Variants in ADGRB3 observed in about 807,000 individuals in gnomAD.
The protein encoded by ADGRB3 is brain-specific angiogenesis inhibitor 3.
ADGRB3 carries 37 observed loss-of-function variants against 193.4 expected under a neutral mutation model. The ratio of observed to expected loss-of-function variants is 0.19; its 90% CI spans 0.15 to 0.25. ADGRB3 has a LOEUF of 0.25. Ranked by LOEUF, ADGRB3 falls within the 10% of genes least tolerant of loss-of-function variation. ADGRB3 has a pLI of 1.00. For missense variants in ADGRB3, 1,637 were observed against 1,852.9 expected (o/e 0.88, Z 2.14); for synonymous variants, 690 against 644.2 (o/e 1.07, Z -1.08).
At chr6:68,801,031 A>C (rs1307839605) in intron 3 of ADGRB3, among the ~76,000 whole-genome samples, 2 of 152,174 alleles carry the variant, frequency 1.3e-5, no homozygotes, top group African/African-American at 4.8e-5. Context: ...TGATCATGAG[A>C]TGATGTCCAA....
chr6:68,996,305 AT>A (rs1769380780), intron 11 of ADGRB3, among the ~76,000 whole-genome samples: 1 of 151,818 alleles, frequency 6.6e-6, no homozygotes. Context: ...AGCCTACATG[AT>A]TTCTGTGGCC....
At chr6:68,832,687 A>C (rs534525564) in intron 3 of ADGRB3, among the ~76,000 whole-genome samples, 11 of 152,224 alleles carry the variant, frequency 7.2e-5, no homozygotes, top group Admixed American at 2.6e-4. Context: ...TCTATGTGGG[A>C]CTTTTACTTG....
chr6:68,965,365 GC>G (rs1768348556), intron 8 of ADGRB3, among the ~76,000 whole-genome samples: 1 of 152,080 alleles, frequency 6.6e-6, no homozygotes. Flanking sequence ...GCATCCTCCA[GC>G]ACAGGGAATT....
intron 20 of ADGRB3, among the ~76,000 whole-genome samples, chr6:69,274,884 C>A (rs868836003): frequency 1.3e-5 from 2 of 152,120 alleles, no homozygotes; most frequent in Middle Eastern, 3.4e-3. Flanking sequence ...AAGAATGAAA[C>A]TGAGTCTTAG....
chr6:68,925,466 T>C (rs926950889), intron 3 of ADGRB3, among the ~76,000 whole-genome samples: 3 of 151,994 alleles, frequency 2.0e-5, no homozygotes, highest in Non-Finnish European at 4.4e-5. Context: ...AGAATTTACT[T>C]GCCTACCATA....
At chr6:68,921,242 C>T (rs1767035439) in intron 3 of ADGRB3, among the ~76,000 whole-genome samples, 1 of 152,016 alleles carries the variant, frequency 6.6e-6, no homozygotes, top group Admixed American at 6.6e-5. Flanking sequence ...TTTTTAAAAT[C>T]CGACTATATA....
chr6:69,305,652 A>C lies in ADGRB3; in HGVS notation c.2815-19220A>C, dbSNP rs1018982027. Among the ~76,000 whole-genome samples, 2 of 127,276 alleles carry C rather than the reference A, an allele frequency of 1.6e-5. 1 individual carries two copies. Among genetic ancestry groups the C allele is most frequent in the Admixed American group, 1.5e-4 (2 of 13,080 alleles). The allele number at this position is 127,276 out of a possible 152,430, so 83.5% of individuals were successfully genotyped here. A position where few individuals can be genotyped will look rare whatever the true frequency, so the allele number is the denominator to read the frequency against. On this transcript the variant is annotated intron_variant, in intron 20 of 31. Coordinates refer to ENST00000370598, the MANE Select transcript of ADGRB3 (RefSeq NM_001704.3). The stretch of plus-strand genomic sequence containing the variant: ...AAAGCAAAGAGTCAACACAGGGACC[A>C]GACCTACAGCCATGGTGACGTTTGT...
intron 3 of ADGRB3, among the ~76,000 whole-genome samples, chr6:68,650,121 C>T (rs965331847): frequency 2.2e-4 from 33 of 152,210 alleles, no homozygotes; most frequent in African/African-American, 7.7e-4. Flanking sequence ...TAAAATAAAT[C>T]GGAAATCAGT....
intron 17 of ADGRB3, among the ~76,000 whole-genome samples, chr6:69,186,547 A>C (rs752612028): frequency 1.3e-5 from 2 of 152,120 alleles, no homozygotes; most frequent in Non-Finnish European, 2.9e-5. Flanking sequence ...TACCTGAAAA[A>C]AGAAAAAAAA....
At chr6:69,052,174 C>A (rs1771418245) in intron 15 of ADGRB3, among the ~76,000 whole-genome samples, 2 of 152,160 alleles carry the variant, frequency 1.3e-5, no homozygotes, top group Non-Finnish European at 2.9e-5. Flanking sequence ...AGGCATGAGC[C>A]ACCGCAGTAA....
chr6:68,890,049 A>G (rs1176496635), intron 3 of ADGRB3, among the ~76,000 whole-genome samples: 1 of 152,244 alleles, frequency 6.6e-6, no homozygotes, highest in Non-Finnish European at 1.5e-5. Flanking sequence ...ATATGCAAAT[A>G]ACAAAATGTC....
chr6:69,358,024 A>G (rs1769370802), intron 28 of ADGRB3, among the ~76,000 whole-genome samples: 1 of 151,946 alleles, frequency 6.6e-6, no homozygotes. Flanking sequence ...TTTACAATGA[A>G]TAAGTATTCA....
At chr6:68,981,849 T>C (rs551692140) in intron 10 of ADGRB3, among the ~76,000 whole-genome samples, 1 of 74,912 alleles carries the variant, frequency 1.3e-5, no homozygotes, top group East Asian at 8.1e-4. Flanking sequence ...TATTTTGTTA[T>C]TTATTTATTT....
chr6:69,146,632 C>T (rs1177500938), intron 17 of ADGRB3, among the ~76,000 whole-genome samples: 1 of 152,228 alleles, frequency 6.6e-6, no homozygotes, highest in East Asian at 1.9e-4. Flanking sequence ...ACCACTGGCT[C>T]CTTGGAGTGC....
intron 13 of ADGRB3, among the ~76,000 whole-genome samples, chr6:69,047,532 C>T (rs1771273076): frequency 6.6e-6 from 1 of 151,674 alleles, no homozygotes; most frequent in South Asian, 2.1e-4. Context: ...TATACACACA[C>T]ATTTTTACTT....
At chr6:69,246,736 T>A (rs1766505471) in intron 20 of ADGRB3, among the ~76,000 whole-genome samples, 3 of 152,180 alleles carry the variant, frequency 2.0e-5, no homozygotes, top group Non-Finnish European at 4.4e-5. Flanking sequence ...ACTGAAACGA[T>A]TGAGATGTCA....
At chr6:69,075,587 A>G (rs1312431979) in intron 16 of ADGRB3, among the ~76,000 whole-genome samples, 1 of 152,180 alleles carries the variant, frequency 6.6e-6, no homozygotes, top group Admixed American at 6.5e-5. Context: ...TGGTGATTAT[A>G]CATGTGCATA....
chr6:68,827,700 C>T (rs1164274716), intron 3 of ADGRB3, among the ~76,000 whole-genome samples: 2 of 151,742 alleles, frequency 1.3e-5, no homozygotes, highest in East Asian at 1.9e-4. Context: ...GTGGTTTGGG[C>T]TTTTAGGGGT....
At chr6:69,323,178 T>G (rs1768498611) in intron 20 of ADGRB3, among the ~76,000 whole-genome samples, 2 of 152,056 alleles carry the variant, frequency 1.3e-5, no homozygotes, top group South Asian at 4.1e-4. Context: ...AACTCTTTAT[T>G]GACAGTTTAA....
Sources: gnomAD v4.1 joint callset for allele counts (sites outside exome capture counted in the v4.1 genomes callset) on GRCh38, gnomAD v4.1.1 for gene constraint, MANE v1.5 for transcripts, NCBI Gene and HGNC (gene_info 2026-07-23, HGNC 2026-07-21) for gene names.